Variants in IL1RL2 observed in about 807,000 individuals in gnomAD.
The protein encoded by IL1RL2 is interleukin 1 receptor like 2, also known as interleukin-1 receptor-like 2.
A neutral mutation model predicts 66.8 loss-of-function variants in IL1RL2; 68 were observed. The observed-to-expected ratio is 1.02, with a 90% CI of 0.84 to 1.25. The LOEUF is 1.25. Among genes scored for constraint, IL1RL2 ranks in the 50% most tolerant of loss-of-function variants. The probability of loss-of-function intolerance (pLI) is 0.00; values close to 1 mark genes in which losing one functional copy is unlikely to be tolerated. For synonymous variants in IL1RL2, 305 were observed against 264.6 expected (o/e 1.15, Z -1.48); for missense variants, 729 against 709.3 (o/e 1.03, Z -0.32).
At chr2:102,187,445 T>G in intron 1 of IL1RL2, 2 of 1,029,070 alleles carry the variant, frequency 1.9e-6, no homozygotes, top group Non-Finnish European at 2.4e-6. Flanking sequence ...CAGGGGAGGC[T>G]CCGTGCGCCG....
At chr2:102,242,908 T>G (rs932049565), downstream of IL1RL2, among the ~76,000 whole-genome samples, 3 of 152,210 alleles carry the variant, frequency 2.0e-5, no homozygotes, top group African/African-American at 7.2e-5. Flanking sequence ...ATAGAAGAAT[T>G]TATCTTTTAA....
intron 4 of IL1RL2, among the ~76,000 whole-genome samples, chr2:102,193,581 G>T (rs749767096): frequency 3.6e-4 from 54 of 152,098 alleles, no homozygotes; most frequent in Non-Finnish European, 5.3e-4. Context: ...CGAACTCCTG[G>T]CCTCAAGTGG....
chr2:102,207,395 G>A (rs1688794248), intron 5 of IL1RL2, among the ~76,000 whole-genome samples: 1 of 152,188 alleles, frequency 6.6e-6, no homozygotes, highest in Non-Finnish European at 1.5e-5. Context: ...GGCATTCAAT[G>A]TAATACCTGG....
chr2:102,214,719 CAGTT>C (rs10557825), intron 6 of IL1RL2, among the ~76,000 whole-genome samples: 42,446 of 151,708 alleles, frequency 0.28, 6,521 homozygotes, highest in East Asian at 0.38. Context: ...ATGCTGGAAA[CAGTT>C]AGCCAAGAAA....
intron 8 of IL1RL2, among the ~76,000 whole-genome samples, chr2:102,223,899 G>A (rs953082134): frequency 6.6e-6 from 1 of 152,144 alleles, no homozygotes; most frequent in Non-Finnish European, 1.5e-5. Context: ...TGAAGTGAGA[G>A]GTTCTCACAA....
intron 2 of IL1RL2, among the ~76,000 whole-genome samples, chr2:102,188,642 T>A (rs1163339255): frequency 1.4e-5 from 2 of 146,482 alleles, no homozygotes; most frequent in Non-Finnish European, 3.0e-5. Flanking sequence ...GTGAACCAAA[T>A]TTTTTTTCTT....
chr2:102,235,570 A>T lies in IL1RL2; in HGVS notation c.1678+293A>T, dbSNP rs1271617348. 1.3e-5 allele frequency: 13 copies of T among 985,278 alleles called. No individual in the cohort carries two copies. In the African/African-American group the frequency reaches 2.3e-4, roughly 17 times the overall value. 61.0% of individuals were successfully genotyped at this position (985,278 alleles called of 1,614,324 possible). On this transcript the variant is annotated intron_variant, in intron 11 of 11. Transcript: ENST00000264257. ...GGATACAGCACTTGGGCCCCTTGAGAACAGGACATGGAGGGTTTTAGAAAT... is the reference window on the plus strand; with the variant it reads ...GGATACAGCACTTGGGCCCCTTGAGTACAGGACATGGAGGGTTTTAGAAAT...
chr2:102,237,523 C>T lies in IL1RL2; in HGVS notation c.1679-1669C>T, dbSNP rs182882522. Among the ~76,000 whole-genome samples the T allele has an allele frequency of 1.6e-3, 247 of 152,284 alleles. 1 individual carries two copies. The highest frequency in any genetic ancestry group is 3.4e-3 in the Middle Eastern group (1 of 294). ...CGGCAGCGAGTGAGGGGACAGAGTGCGGAACAGATCAGTAATGCCCATTTT... is the reference window on the plus strand; with the variant it reads ...CGGCAGCGAGTGAGGGGACAGAGTGTGGAACAGATCAGTAATGCCCATTTT... On this transcript the variant is annotated intron_variant, in intron 11 of 11. Transcript: ENST00000264257.
At chr2:102,201,773 CT>C (rs771109607) in intron 5 of IL1RL2, 58 bp downstream of exon 5, 15 of 1,544,590 alleles carry the variant, frequency 9.7e-6, no homozygotes, top group Non-Finnish European at 1.3e-5. Context: ...TGTGAACTGG[CT>C]TCTGGCTTTG....
At chr2:102,193,853 T>C (rs1377916033) in intron 4 of IL1RL2, among the ~76,000 whole-genome samples, 1 of 152,236 alleles carries the variant, frequency 6.6e-6, no homozygotes, top group African/African-American at 2.4e-5. Context: ...TCATATCTTT[T>C]GGTATATTTC....
At chr2:102,215,422 A>T (rs115768289) in intron 6 of IL1RL2, among the ~76,000 whole-genome samples, 603 of 152,228 alleles carry the variant, frequency 4.0e-3, no homozygotes, top group African/African-American at 0.014. Context: ...TATGGGCCCT[A>T]TGAAATTACT....
At chr2:102,199,993 T>A (rs146723943) in intron 4 of IL1RL2, among the ~76,000 whole-genome samples, 2,226 of 151,720 alleles carry the variant, frequency 0.015, 55 homozygotes, top group African/African-American at 0.052. Context: ...ACCCCACCTG[T>A]ACTAAAAAAA....
intron 5 of IL1RL2, among the ~76,000 whole-genome samples, chr2:102,210,046 T>C (rs1191712311): frequency 6.6e-6 from 1 of 150,782 alleles, no homozygotes; most frequent in Admixed American, 6.6e-5. Flanking sequence ...GATGAAAGCG[T>C]GAAGGAAAGG....
chr2:102,208,343 C>T (rs774973884), intron 5 of IL1RL2, among the ~76,000 whole-genome samples: 3 of 152,162 alleles, frequency 2.0e-5, no homozygotes, highest in Non-Finnish European at 4.4e-5. Flanking sequence ...TTACAGAGTT[C>T]CAGGAGGGGA....
chr2:102,224,118 C>G (rs1690389446), intron 8 of IL1RL2, among the ~76,000 whole-genome samples: 3 of 152,180 alleles, frequency 2.0e-5, no homozygotes. Flanking sequence ...GCAATAAGCT[C>G]TTTAATGAGT....
At position 102,219,923 on chromosome 2, in the gene IL1RL2, C is replaced by T. The variant is rs758221418; in HGVS notation, c.897C>T (p.Asn299=). Residue 299 remains asparagine (N), a synonymous_variant, in exon 8 of 12, where the codon AAC becomes AAT. Transcript: ENST00000264257. ...SFREHNLYTV[N]ITFLEVKMED... is the part of the protein sequence containing the mutation. ...GGGAACATAATTTGTACACAGTAAACATCACCTTCTTGGAAGTGAAAATGG... is the reference window on the plus strand; with the variant it reads ...GGGAACATAATTTGTACACAGTAAATATCACCTTCTTGGAAGTGAAAATGG... The T allele has an allele frequency of 1.2e-6, 2 of 1,613,450 alleles. No homozygotes were observed. The highest frequency in any genetic ancestry group is 2.7e-5 in the African/African-American group (2 of 74,882).
chr2:102,208,200 G>T (rs1201612615), intron 5 of IL1RL2, among the ~76,000 whole-genome samples: 1 of 152,216 alleles, frequency 6.6e-6, no homozygotes, highest in Non-Finnish European at 1.5e-5. Flanking sequence ...GATACTATGA[G>T]TGATTTTTGG....
In IL1RL2 at chr2:102,239,384, G is replaced by A; in HGVS notation, c.*143G>A. On this transcript the variant is annotated 3_prime_UTR_variant, in exon 12 of 12. Transcript: ENST00000264257. ...TTGAGCTCAGGCGTAGAGAAGAGGA[G>A]GATGGGATAAGAACTGGGGCCATCC... 1.3e-6 allele frequency: 1 copy of A among 747,260 alleles called. No homozygotes were observed. 46.3% of individuals were successfully genotyped at this position (747,260 alleles called of 1,614,324 possible).
intron 4 of IL1RL2, among the ~76,000 whole-genome samples, chr2:102,194,131 T>C (rs938202703): frequency 3.9e-5 from 6 of 152,186 alleles, no homozygotes; most frequent in Non-Finnish European, 5.9e-5. Flanking sequence ...TTGCAAAAAC[T>C]ATGCCTCCCT....
Sources: allele counts gnomAD v4.1 joint callset (sites outside exome capture counted in the v4.1 genomes callset), GRCh38; gene constraint gnomAD v4.1.1; transcripts MANE v1.5; gene names NCBI Gene and HGNC (gene_info 2026-07-23, HGNC 2026-07-21).